AZIN1: variants seen among roughly 807,000 people sequenced by gnomAD.
AZIN1 encodes the protein ornithine decarboxylase antizyme inhibitor.
A neutral mutation model predicts 47.4 loss-of-function variants in AZIN1; 12 were observed. The observed-to-expected ratio is 0.25, with a 90% CI of 0.16 to 0.41. The LOEUF (loss-of-function observed/expected upper bound fraction) is 0.41, where lower values mean the gene tolerates loss of function less well. Ranked by LOEUF, AZIN1 falls within the 10% of genes least tolerant of loss-of-function variation. The probability of loss-of-function intolerance (pLI) is 1.00; values close to 1 mark genes in which losing one functional copy is unlikely to be tolerated. For synonymous variants in AZIN1, 155 were observed against 176.3 expected, an observed-to-expected ratio of 0.88 and a Z score of 0.96; for missense variants, 410 against 532.4, an observed-to-expected ratio of 0.77 and a Z score of 2.26.
chr8:102,838,412 G>A (rs1052695235), intron 5 of AZIN1, among the ~76,000 whole-genome samples: 5 of 152,024 alleles, frequency 3.3e-5, no homozygotes, highest in Admixed American at 1.3e-4. Context: ...TGTTCCTAAC[G>A]TTATCAAACA....
chr8:102,831,440 A>G (rs1586153577), intron 9 of AZIN1, among the ~76,000 whole-genome samples: 1 of 151,652 alleles, frequency 6.6e-6, no homozygotes, highest in East Asian at 1.9e-4. Flanking sequence ...TGCCTGACAC[A>G]ACCTTAAACA....
Position 102,826,451 on chromosome 8 carries a change from T to C in AZIN1, c.*2116A>G, listed in dbSNP as rs773142748. ...TATAGAAATCATTGGGTTTTATATT[T>C]GCAGTTAACTTTTGAACTGAGATTA... On this transcript the variant is annotated 3_prime_UTR_variant, in exon 12 of 12. Transcript: ENST00000337198. 3.9e-5 allele frequency: 6 copies of C among 152,690 alleles called. No individual in the cohort carries two copies. The highest frequency in any genetic ancestry group is 7.3e-5 in the Non-Finnish European group (5 of 68,046). The allele number at this position is 152,690 out of a possible 1,614,324, so 9.5% of individuals were successfully genotyped here.
chr8:102,839,509 CAT>C lies in AZIN1; in HGVS notation c.276+139_276+140del, dbSNP rs568177390. Reference sequence around the variant, plus strand: ...ACTTGAAAAGCTTGTAATTTTCCAACATGAGGCTGGAGATTTAAACAATTATT... The same window carrying C: ...ACTTGAAAAGCTTGTAATTTTCCAACGAGGCTGGAGATTTAAACAATTATT... On this transcript the variant is annotated intron_variant, in intron 4 of 11. Coordinates refer to ENST00000337198, the MANE Select transcript of AZIN1 (RefSeq NM_148174.4). 2.7e-4 allele frequency: 156 copies of C among 575,214 alleles called. No homozygotes were observed. In the African/African-American group the frequency reaches 2.8e-3, roughly 10 times the overall value. The allele number at this position is 575,214 out of a possible 1,614,324, so 35.6% of individuals were successfully genotyped here.
intron 5 of AZIN1, among the ~76,000 whole-genome samples, chr8:102,836,885 T>C (rs1366254593): frequency 6.6e-6 from 1 of 152,130 alleles, no homozygotes. Flanking sequence ...TGGAAAAAAA[T>C]AGGAAGCATT....
At chr8:102,853,885 G>GA (rs1349908467) in intron 2 of AZIN1, among the ~76,000 whole-genome samples, 1 of 151,392 alleles carries the variant, frequency 6.6e-6, no homozygotes, top group Non-Finnish European at 1.5e-5. Flanking sequence ...GGGGAGAAAA[G>GA]AAAAAAAAGT....
At chr8:102,844,240 C>T (rs989691753) in intron 2 of AZIN1, among the ~76,000 whole-genome samples, 1 of 152,256 alleles carries the variant, frequency 6.6e-6, no homozygotes, top group African/African-American at 2.4e-5. Context: ...GGCATGGTGG[C>T]CCATGCCTGT....
At position 102,858,389 on chromosome 8, in the gene AZIN1, G is replaced by A. The variant is rs142570463; in HGVS notation, c.-233-239C>T. On this transcript the variant is annotated intron_variant, in intron 1 of 11. Coordinates refer to ENST00000337198, the MANE Select transcript of AZIN1 (RefSeq NM_148174.4). ...GATGTCATAGCCATCTTACCAAGTC[G>A]TTTTATCTGCCTACTCAAGAGTTAC... is the stretch of plus-strand genomic sequence containing the variant. 2.0e-5 allele frequency among the ~76,000 whole-genome samples: 3 copies of A among 152,234 alleles called. No homozygotes were observed. In the East Asian group the frequency reaches 5.8e-4, roughly 29 times the overall value.
intron 1 of AZIN1, among the ~76,000 whole-genome samples, chr8:102,861,008 T>TG (rs1813612002): frequency 7.4e-6 from 1 of 135,788 alleles, no homozygotes. Context: ...TGTGGTAACT[T>TG]GGATTCTGGA....
chr8:102,856,927 C>T lies in AZIN1; in HGVS notation c.-96+1086G>A, dbSNP rs551985811. On this transcript the variant is annotated intron_variant, in intron 2 of 11. Coordinates refer to ENST00000337198, the MANE Select transcript of AZIN1 (RefSeq NM_148174.4). The stretch of plus-strand genomic sequence containing the variant: ...TCTAGGTGAGGATGCTAATGCAATT[C>T]GTCCGAAGACTACACTGCATAACCA... Among the ~76,000 whole-genome samples the T allele has an allele frequency of 8.5e-5, 13 of 152,258 alleles. No individual in the cohort carries two copies. The East Asian group carries it at 2.1e-3, about 25-fold the overall frequency.
chr8:102,864,191 T>G (rs992796246), upstream of AZIN1: 5 of 185,920 alleles, frequency 2.7e-5, no homozygotes, highest in African/African-American at 1.2e-4. Context: ...GACGCCAGTA[T>G]TTATATTAGG....
At chr8:102,860,283 G>T (rs914051316) in intron 1 of AZIN1, among the ~76,000 whole-genome samples, 2 of 152,134 alleles carry the variant, frequency 1.3e-5, no homozygotes, top group African/African-American at 2.4e-5. Context: ...ATTTTTTTGA[G>T]ACGGAGTCTC....
chr8:102,833,759 T>TC, intron 8 of AZIN1, among the ~76,000 whole-genome samples: 1 of 150,038 alleles, frequency 6.7e-6, no homozygotes, highest in African/African-American at 2.4e-5. Flanking sequence ...CTCAATTTTT[T>TC]TTTTTTTTTT....
chr8:102,839,991 AAG>A (rs1812076667), intron 3 of AZIN1, among the ~76,000 whole-genome samples, 168 bp from the exon 4 acceptor site: 1 of 152,238 alleles, frequency 6.6e-6, no homozygotes, highest in Non-Finnish European at 1.5e-5. Context: ...TAAACATTAA[AAG>A]AGACTCTGAA....
chr8:102,836,528 A>C, intron 5 of AZIN1, 138 bp from the exon 6 acceptor site: 1 of 873,252 alleles, frequency 1.1e-6, no homozygotes, highest in Non-Finnish European at 1.8e-6. Flanking sequence ...AAGTGAACCT[A>C]ATGAAAAACA....
chr8:102,856,581 C>T (rs1007339792), intron 2 of AZIN1, among the ~76,000 whole-genome samples: 1 of 152,130 alleles, frequency 6.6e-6, no homozygotes. Context: ...GCAAGAGACA[C>T]GAATTAAAAG....
chr8:102,828,524 GC>G lies in AZIN1; in HGVS notation c.*42del, dbSNP rs1373139683. ...CCACACTGGAATGTTGACCAGACAAGCTTAACCTGCAACTTCAGATCTAAAG... is the reference window on the plus strand; with the variant it reads ...CCACACTGGAATGTTGACCAGACAAGTTAACCTGCAACTTCAGATCTAAAG... On this transcript the variant is annotated 3_prime_UTR_variant, in exon 12 of 12. Transcript: ENST00000337198. The G allele has an allele frequency of 7.5e-7, 1 of 1,336,964 alleles. No individual in the cohort carries two copies. Among genetic ancestry groups the G allele is most frequent in the East Asian group, 2.3e-5 (1 of 42,692 alleles). 82.8% of individuals were successfully genotyped at this position (1,336,964 alleles called of 1,614,324 possible).
chr8:102,843,671 A>T lies in AZIN1; in HGVS notation c.-19T>A, dbSNP rs1175956845. On this transcript the variant is annotated 5_prime_UTR_variant, in exon 3 of 12. Transcript: ENST00000337198. ...CTTTCATCTCAGCCGTATTCCACAA[A>T]GCCGAAAGTCATAAACCAGGAAAGA... The T allele has an allele frequency of 6.2e-7, 1 of 1,613,652 alleles. No homozygotes were observed. Among genetic ancestry groups the T allele is most frequent in the Non-Finnish European group, 8.5e-7 (1 of 1,179,908 alleles).
At chr8:102,860,405 G>T (rs2131290671) in intron 1 of AZIN1, among the ~76,000 whole-genome samples, 1 of 152,252 alleles carries the variant, frequency 6.6e-6, no homozygotes, top group Admixed American at 6.5e-5. Context: ...TCGGATTACA[G>T]GCATGTGCCA....
chr8:102,853,399 C>T (rs1813051523), intron 2 of AZIN1, among the ~76,000 whole-genome samples: 1 of 152,050 alleles, frequency 6.6e-6, no homozygotes, highest in Non-Finnish European at 1.5e-5. Context: ...CCACTCAGGA[C>T]GCTGAGGCAG....
Sources: gnomAD v4.1 joint callset for allele counts (sites outside exome capture counted in the v4.1 genomes callset) on GRCh38, gnomAD v4.1.1 for gene constraint, MANE v1.5 for transcripts, NCBI Gene and HGNC (gene_info 2026-07-23, HGNC 2026-07-21) for gene names.